The following MAF variants were observed in gnomAD, a reference collection of about 807,000 sequenced individuals.
The protein encoded by MAF is transcription factor Maf.
A neutral mutation model predicts 22.0 loss-of-function variants in MAF; 10 were observed. The ratio of observed to expected loss-of-function variants is 0.45; its 90% CI spans 0.28 to 0.77. MAF has a LOEUF of 0.77. Among genes scored for constraint, MAF ranks in the 30% least tolerant of loss-of-function variants. The pLI is 0.12. For synonymous variants in MAF, 337 were observed against 255.8 expected, an observed-to-expected ratio of 1.32 and a Z score of -3.03; for missense variants, 544 against 548.4, an observed-to-expected ratio of 0.99 and a Z score of 0.08.
chr16:79,398,125 C>T, the MAF span, among the ~76,000 whole-genome samples: 2 of 152,266 alleles, frequency 1.3e-5, no homozygotes, highest in Middle Eastern at 6.8e-3. Context: ...AGGCCACCTG[C>T]ATTCCTTGGC....
chr16:79,377,889 C>G, the MAF span, among the ~76,000 whole-genome samples: 1 of 152,094 alleles, frequency 6.6e-6, no homozygotes, highest in Admixed American at 6.6e-5. Flanking sequence ...TGGTCTATAT[C>G]TCTGTTTTGG....
chr16:79,347,248 G>A, the MAF span, among the ~76,000 whole-genome samples: 19 of 152,240 alleles, frequency 1.2e-4, no homozygotes, highest in Non-Finnish European at 2.4e-4. Flanking sequence ...GTGTGGGCGT[G>A]CAGATGTGAG....
At chr16:79,207,576 T>A in the MAF span, among the ~76,000 whole-genome samples, 1 of 152,382 alleles carries the variant, frequency 6.6e-6, no homozygotes, top group Admixed American at 6.5e-5. Flanking sequence ...TCTCTCACAA[T>A]CATTGAATAT....
chr16:79,272,910 C>A, the MAF span, among the ~76,000 whole-genome samples: 1 of 152,138 alleles, frequency 6.6e-6, no homozygotes, highest in Non-Finnish European at 1.5e-5. Context: ...AAAGCCTGAT[C>A]CAAGACCCTA....
chr16:79,213,575 G>C, the MAF span, among the ~76,000 whole-genome samples: 1 of 152,216 alleles, frequency 6.6e-6, no homozygotes, highest in Non-Finnish European at 1.5e-5. Flanking sequence ...ACTGGGGCTT[G>C]CCTTTCCTTG....
the MAF span, among the ~76,000 whole-genome samples, chr16:79,403,233 A>G: frequency 5.3e-5 from 8 of 152,230 alleles, no homozygotes; most frequent in African/African-American, 1.9e-4. Flanking sequence ...TATGCCCATC[A>G]AAAGCAAAGA....
At chr16:79,420,541 CCCTCCCCCTACGG>C in the MAF span, among the ~76,000 whole-genome samples, 2 of 152,030 alleles carry the variant, frequency 1.3e-5, no homozygotes, top group Non-Finnish European at 2.9e-5. Flanking sequence ...ACTGCTGCCC[CCCTCCCCCTACGG>C]CCTCCCCCAC....
At chr16:79,415,421 G>T in the MAF span, among the ~76,000 whole-genome samples, 2,925 of 150,710 alleles carry the variant, frequency 0.019, 92 homozygotes, top group African/African-American at 0.068. Context: ...AAGGAGGGAA[G>T]GAAAATTGTT....
At chr16:79,228,856 G>A in the MAF span, among the ~76,000 whole-genome samples, 5 of 151,876 alleles carry the variant, frequency 3.3e-5, no homozygotes, top group Non-Finnish European at 7.4e-5. Context: ...GCCAGAATGG[G>A]AGGATCATGT....
chr16:79,273,949 CTTTTTTTTTTTTT>C, the MAF span, among the ~76,000 whole-genome samples: 3 of 86,454 alleles, frequency 3.5e-5, no homozygotes, highest in Non-Finnish European at 6.6e-5. Flanking sequence ...TCGTGTCTGC[CTTTTTTTTTTTTT>C]TTTTTTTTTT....
chr16:79,519,246 C>T, the MAF span, among the ~76,000 whole-genome samples: 1 of 152,150 alleles, frequency 6.6e-6, no homozygotes, highest in Non-Finnish European at 1.5e-5. Context: ...TACCCAGAAA[C>T]AGCCATGTGA....
the MAF span, among the ~76,000 whole-genome samples, chr16:79,351,157 G>T: frequency 3.9e-5 from 6 of 152,108 alleles, no homozygotes; most frequent in African/African-American, 1.4e-4. Flanking sequence ...ATTCTCTGTG[G>T]GGTTCAGTTT....
the MAF span, among the ~76,000 whole-genome samples, chr16:79,217,715 G>A: frequency 6.6e-6 from 1 of 152,060 alleles, no homozygotes; most frequent in Non-Finnish European, 1.5e-5. Flanking sequence ...AACTCCAAAG[G>A]TGGCCAGTTT....
At chr16:79,570,067 G>A in the MAF span, among the ~76,000 whole-genome samples, 1 of 140,274 alleles carries the variant, frequency 7.1e-6, no homozygotes, top group African/African-American at 2.7e-5. Context: ...AATTTCTTCA[G>A]CTGTTTGGAA....
chr16:79,348,780 T>C, the MAF span, among the ~76,000 whole-genome samples: 2 of 152,218 alleles, frequency 1.3e-5, no homozygotes, highest in African/African-American at 4.8e-5. Flanking sequence ...GTGATTCTTA[T>C]GTCATATTCT....
At chr16:79,213,794 G>C in the MAF span, among the ~76,000 whole-genome samples, 3 of 147,574 alleles carry the variant, frequency 2.0e-5, no homozygotes, top group South Asian at 2.1e-4. Context: ...CAATGCAAAA[G>C]ATAGTAAAAG....
the MAF span, among the ~76,000 whole-genome samples, chr16:79,418,851 C>T: frequency 6.6e-6 from 1 of 152,168 alleles, no homozygotes; most frequent in African/African-American, 2.4e-5. Context: ...GGTGGAGCTG[C>T]AGGCCCCAAC....
the MAF span, among the ~76,000 whole-genome samples, chr16:79,224,615 C>A: frequency 1.1e-3 from 162 of 152,284 alleles, no homozygotes; most frequent in Middle Eastern, 6.8e-3. Context: ...AAAACCCTAT[C>A]GTCTCAGCCC....
At chr16:79,572,574 T>C in the MAF span, among the ~76,000 whole-genome samples, 1 of 152,240 alleles carries the variant, frequency 6.6e-6, no homozygotes, top group African/African-American at 2.4e-5. Context: ...GAAAATGTTT[T>C]GCATTTGAAA....
Sources: allele counts gnomAD v4.1 joint callset (sites outside exome capture counted in the v4.1 genomes callset), GRCh38; gene constraint gnomAD v4.1.1; transcripts MANE v1.5; gene names NCBI Gene and HGNC (gene_info 2026-07-23, HGNC 2026-07-21).